SETX: variants seen among roughly 807,000 people sequenced by gnomAD.
The protein encoded by SETX is senataxin.
A neutral mutation model predicts 227.2 loss-of-function variants in SETX; 90 were observed. The observed-to-expected ratio is 0.40, with a 90% CI of 0.33 to 0.47. SETX has a LOEUF of 0.47. Ranked by LOEUF, SETX falls within the 20% of genes least tolerant of loss-of-function variation. The pLI is 0.91. For missense variants in SETX, 3,052 were observed against 3,181.5 expected (o/e 0.96, Z 0.98); for synonymous variants, 1,210 against 1,113.2 (o/e 1.09, Z -1.73).
At chr9:132,317,782 T>G (rs1245562506) in intron 10 of SETX, among the ~76,000 whole-genome samples, 2 of 152,150 alleles carry the variant, frequency 1.3e-5, no homozygotes, top group Non-Finnish European at 2.9e-5. Flanking sequence ...CATTCTTTCA[T>G]CTTAAACCTT....
intron 18 of SETX, among the ~76,000 whole-genome samples, chr9:132,284,153 C>A (rs187318367): frequency 6.6e-6 from 1 of 152,248 alleles, no homozygotes. Context: ...TGGTCCTCCA[C>A]GGCTCACACA....
In SETX at chr9:132,328,303, C is replaced by T. The variant is rs780242189; in HGVS notation, c.3295G>A (p.Asp1099Asn). The change falls in exon 10 of 26, where the codon GAT becomes AAT. Residue 1099 changes from aspartate to asparagine, a missense_variant. Coordinates refer to ENST00000224140, the MANE Select transcript of SETX (RefSeq NM_015046.7). ...VFSVWQDHPD[D>N]NNSVQDGEKK... ...TCACCATCTTGAACTGAATTATTATCGTCTGGATGATCTTGCCAAACTGAA... is the reference window on the plus strand; with the variant it reads ...TCACCATCTTGAACTGAATTATTATTGTCTGGATGATCTTGCCAAACTGAA... 3.7e-6 allele frequency: 6 copies of T among 1,613,988 alleles called. No homozygotes were observed. The South Asian group carries it at 4.4e-5, about 12-fold the overall frequency.
intron 11 of SETX, among the ~76,000 whole-genome samples, chr9:132,302,916 C>T (rs372962059): frequency 2.7e-4 from 41 of 152,170 alleles, no homozygotes; most frequent in African/African-American, 9.6e-4. Flanking sequence ...ACTGATATTC[C>T]GACAAATATG....
rs757554863 is a variant in SETX, at chr9:132,264,463, C to A, written c.7810G>T (p.Val2604Leu). ...CTGGCAGCTGGAGGTTCGCCCCGCA[C>A]GGGAGGTTTGTGGCTGCTCAGAGCA... is the stretch of plus-strand genomic sequence containing the variant. ...VAALSSHKPPVRGEPPAASPE... is the reference protein window; with the variant it reads ...VAALSSHKPPLRGEPPAASPE... The change falls in exon 26 of 26, where the codon GTG (valine) becomes TTG (leucine). Residue 2604 changes from valine (V) to leucine (L), a missense_variant. Physicochemically the swap from Val to Leu is conservative, Grantham distance 32. This residue lies in a region of SETX where 294 missense variants were observed against 278.8 expected (regional missense o/e 1.05). Coordinates refer to ENST00000224140, the MANE Select transcript of SETX (RefSeq NM_015046.7). 7 of 1,591,514 alleles carry A rather than the reference C, an allele frequency of 4.4e-6. No individual in the cohort carries two copies. The Admixed American group carries it at 1.0e-4, about 23-fold the overall frequency.
At chr9:132,298,706 A>C (rs1844817952) in intron 12 of SETX, among the ~76,000 whole-genome samples, 1 of 152,214 alleles carries the variant, frequency 6.6e-6, no homozygotes, top group Admixed American at 6.5e-5. Context: ...GAAAATAAGC[A>C]ACTGCAAAGA....
intron 25 of SETX, 26 bp from the exon 26 acceptor site, chr9:132,265,011 A>C: frequency 1.9e-6 from 3 of 1,610,158 alleles, no homozygotes; most frequent in Non-Finnish European, 2.5e-6. Context: ...AGGGAGAAAT[A>C]ATTACACCCC....
At chr9:132,270,319 G>A (rs78435310) in intron 24 of SETX, among the ~76,000 whole-genome samples, 60 of 149,364 alleles carry the variant, frequency 4.0e-4, no homozygotes, top group Admixed American at 1.9e-3. Flanking sequence ...ATGACTCAGC[G>A]TGCCCGTGTG....
intron 5 of SETX, among the ~76,000 whole-genome samples, chr9:132,341,268 T>G (rs1169104322): frequency 6.6e-6 from 1 of 152,156 alleles, no homozygotes; most frequent in African/African-American, 2.4e-5. Flanking sequence ...AACCAGCCCT[T>G]GTCAACTCAG....
upstream of SETX, among the ~76,000 whole-genome samples, chr9:132,355,779 G>C (rs946841194): frequency 2.0e-5 from 3 of 152,120 alleles, no homozygotes; most frequent in African/African-American, 7.2e-5. Context: ...CTGAGGTCAG[G>C]AGTTCGAGAC....
chr9:132,275,969 G>A (rs1483019203), intron 22 of SETX, among the ~76,000 whole-genome samples: 1 of 152,070 alleles, frequency 6.6e-6, no homozygotes, highest in Non-Finnish European at 1.5e-5. Context: ...ACAACATGGG[G>A]CCCTGGAGCA....
In SETX at chr9:132,328,962, A is replaced by G. The variant is rs773370404; in HGVS notation, c.2636T>C (p.Phe879Ser). 15 of 1,609,368 alleles carry G rather than the reference A, an allele frequency of 9.3e-6. No individual in the cohort carries two copies. Among genetic ancestry groups the G allele is most frequent in the South Asian group, 4.4e-5 (4 of 90,078 alleles). The change falls in exon 10 of 26, where the codon TTC becomes TCC. Residue 879 changes from phenylalanine (F) to serine (S), a missense_variant. Coordinates refer to ENST00000224140, the MANE Select transcript of SETX (RefSeq NM_015046.7). ...LKNEELVIFS[F>S]HENNCKIQEF... ...CTGTATTTTACAATTGTTTTCATGG[A>G]AAGAGAAAATAACTAATTCTTCATT...
rs1403650506 is a variant in SETX, at chr9:132,330,164, C to T, written c.1434G>A (p.Leu478=). 5 of 1,596,558 alleles carry T rather than the reference C, an allele frequency of 3.1e-6. No individual in the cohort carries two copies. In the South Asian group the frequency reaches 4.5e-5, roughly 14 times the overall value. ...LHRNKKCLHL[L]WVSSQQWVEA... is the part of the protein sequence containing the mutation. ...CCACCCATTGCTGGGAACTTACCCA[C>T]AGCAAATGCAAACATTTTTTATTTC... Residue 478 remains leucine (L), a synonymous_variant, in exon 10 of 26, where the codon CTG becomes CTA. Coordinates refer to ENST00000224140, the MANE Select transcript of SETX (RefSeq NM_015046.7).
Position 132,264,204 on chromosome 9 carries a change from A to G in SETX, c.*35T>C. 6.2e-7 allele frequency: 1 copy of G among 1,613,112 alleles called. No individual in the cohort carries two copies. Among genetic ancestry groups the G allele is most frequent in the Non-Finnish European group, 8.5e-7 (1 of 1,179,994 alleles). On this transcript the variant is annotated 3_prime_UTR_variant, in exon 26 of 26. Transcript: ENST00000224140. ...GAGCTGGTCATCTTCAGTTTACAAT[A>G]TGCTGTGGCTGCTGGCCCATGTCAC... is the stretch of plus-strand genomic sequence containing the variant.
rs1440242845 is a variant in SETX at position 132,342,701 on chromosome 9, G to C, written c.487C>G (p.Pro163Ala). The change falls in exon 5 of 26, where the codon CCC becomes GCC. Residue 163 changes from proline to alanine, a missense_variant. Coordinates refer to ENST00000224140, the MANE Select transcript of SETX (RefSeq NM_015046.7). Reference protein sequence around the residue: ...HPGIYLFLVHPNEMVRRWAIL... With the variant: ...HPGIYLFLVHANEMVRRWAIL... Reference sequence around the variant, plus strand: ...ACACTCACACTCACCATTTCATTGGGATGGACTAAAAACAAATAGATCCCT... The same window carrying C: ...ACACTCACACTCACCATTTCATTGGCATGGACTAAAAACAAATAGATCCCT... 2 of 1,609,730 alleles carry C rather than the reference G, an allele frequency of 1.2e-6. No homozygotes were observed. The highest frequency in any genetic ancestry group is 2.7e-5 in the African/African-American group (2 of 74,784).
intron 25 of SETX, among the ~76,000 whole-genome samples, chr9:132,267,316 T>C (rs1842695081): frequency 6.6e-6 from 1 of 152,206 alleles, no homozygotes; most frequent in Admixed American, 6.5e-5. Flanking sequence ...CTCACTCAGA[T>C]CTCTAGAGAT....
chr9:132,264,640 T>A lies in SETX; in HGVS notation c.7633A>T (p.Met2545Leu). Reference protein sequence around the residue: ...QLQDPRLLKRMGIEVKGGIFL... With the variant: ...QLQDPRLLKRLGIEVKGGIFL... ...ATTCCTCCTTTGACCTCAATGCCCA[T>A]CCTCTTCAGCAGTCGTGGGTCCTGA... Residue 2545 changes from methionine (M) to leucine (L), a missense_variant, in exon 26 of 26, where the codon ATG (methionine) becomes TTG (leucine). Met to Leu is a conservative substitution (Grantham distance 15). Coordinates refer to ENST00000224140, the MANE Select transcript of SETX (RefSeq NM_015046.7). 2.5e-6 allele frequency: 4 copies of A among 1,614,196 alleles called. No homozygotes were observed. The highest frequency in any genetic ancestry group is 3.4e-6 in the Non-Finnish European group (4 of 1,180,034).
At chr9:132,274,446 T>TC (rs950512377) in intron 23 of SETX, among the ~76,000 whole-genome samples, 1 of 150,448 alleles carries the variant, frequency 6.6e-6, no homozygotes, top group African/African-American at 2.5e-5. Flanking sequence ...TTTTCTTTTT[T>TC]TTTTTTTTTT....
At chr9:132,268,809 A>G (rs1842765586) in intron 25 of SETX, among the ~76,000 whole-genome samples, 1 of 152,200 alleles carries the variant, frequency 6.6e-6, no homozygotes, top group Non-Finnish European at 1.5e-5. Context: ...GGAGGTACAT[A>G]AAAATAAACG....
chr9:132,292,584 A>G (rs1028776699), intron 15 of SETX, among the ~76,000 whole-genome samples: 23 of 151,884 alleles, frequency 1.5e-4, no homozygotes, highest in African/African-American at 5.3e-4. Flanking sequence ...AAGCTGTCTT[A>G]TACAAAACAT....
Sources: gnomAD v4.1 joint callset for allele counts (sites outside exome capture counted in the v4.1 genomes callset) on GRCh38, gnomAD v4.1.1 for gene constraint, gnomAD v4.1.1 regional missense constraint, MANE v1.5 for transcripts, NCBI Gene and HGNC (gene_info 2026-07-23, HGNC 2026-07-21) for gene names.